The following MOB4 variants were observed in gnomAD, a reference collection of about 807,000 sequenced individuals.
The protein encoded by MOB4 is MOB family member 4, phocein.
Under a neutral mutation model 32.2 loss-of-function variants are expected in MOB4, and 4 were observed. That is an observed-to-expected ratio of 0.12 (90% confidence interval 0.06 to 0.28). The LOEUF is 0.28. MOB4 is among the 10% of genes least tolerant of loss of function. The probability of loss-of-function intolerance (pLI) is 1.00; values close to 1 mark genes in which losing one functional copy is unlikely to be tolerated. For missense variants in MOB4, 158 were observed against 271.2 expected (o/e 0.58, Z 2.93); for synonymous variants, 88 against 88.1 (o/e 1.00, Z 0.01).
chr2:197,524,542 A>AAAAAC (rs2086575508), intron 2 of MOB4, among the ~76,000 whole-genome samples: 13 of 151,034 alleles, frequency 8.6e-5, no homozygotes, highest in Admixed American at 5.3e-4. Context: ...AAAAAAAAAA[A>AAAAAC]AAAAACAAAA....
At position 197,527,653 on chromosome 2, in the gene MOB4, G is replaced by C. The variant is rs371208935; in HGVS notation, c.123+3967G>C. ...TTTCTTTATCTTGTCTAGTTGCTCT[G>C]GCTAGAACTTTTAGTACAGTGTTGA... is the stretch of plus-strand genomic sequence containing the variant. On this transcript the variant is annotated intron_variant, in intron 2 of 7. Coordinates refer to ENST00000323303, the MANE Select transcript of MOB4 (RefSeq NM_015387.5). 4.6e-4 allele frequency among the ~76,000 whole-genome samples: 70 copies of C among 152,228 alleles called. 1 individual carries two copies. In the South Asian group the frequency reaches 0.014, roughly 31 times the overall value.
intron 1 of MOB4, among the ~76,000 whole-genome samples, chr2:197,518,051 G>A (rs1187777646): frequency 2.0e-5 from 3 of 151,874 alleles, no homozygotes; most frequent in Admixed American, 2.0e-4. Context: ...TGAGGCAGGA[G>A]AATCGCTTGA....
upstream of MOB4, chr2:197,515,935 C>T: frequency 1.3e-6 from 1 of 751,108 alleles, no homozygotes; most frequent in Non-Finnish European, 2.1e-6. Context: ...GCCTAGCCCG[C>T]TTCTACCCGG....
chr2:197,538,887 G>A (rs943722315), intron 3 of MOB4, among the ~76,000 whole-genome samples: 15 of 152,144 alleles, frequency 9.9e-5, no homozygotes, highest in Non-Finnish European at 2.2e-4. Context: ...TGTTATTTTT[G>A]TAATCTAAGG....
At chr2:197,535,843 G>A (rs1162594379) in intron 3 of MOB4, among the ~76,000 whole-genome samples, 2 of 150,272 alleles carry the variant, frequency 1.3e-5, no homozygotes, top group Non-Finnish European at 3.0e-5. Context: ...TTGAAAGGTG[G>A]TTTATTTCAG....
At chr2:197,529,133 A>G (rs967175820) in intron 2 of MOB4, among the ~76,000 whole-genome samples, 6 of 150,382 alleles carry the variant, frequency 4.0e-5, no homozygotes, top group Non-Finnish European at 7.4e-5. Flanking sequence ...ATGCGCCACC[A>G]CCCCCAGCTA....
At chr2:197,518,496 A>G (rs1356680826) in intron 1 of MOB4, among the ~76,000 whole-genome samples, 1 of 150,500 alleles carries the variant, frequency 6.6e-6, no homozygotes, top group Non-Finnish European at 1.5e-5. Context: ...TCCTGACCTC[A>G]GGTGATCTGC....
At chr2:197,525,770 C>T (rs138676190) in intron 2 of MOB4, among the ~76,000 whole-genome samples, 116 of 151,280 alleles carry the variant, frequency 7.7e-4, no homozygotes, top group Middle Eastern at 6.9e-3. Flanking sequence ...TGGCTTCTCA[C>T]GATATAGCTA....
At chr2:197,540,569 T>A in intron 5 of MOB4, 132 bp downstream of exon 5, 1 of 909,486 alleles carries the variant, frequency 1.1e-6, no homozygotes, top group Non-Finnish European at 1.5e-6. Flanking sequence ...TTGCTTGTTG[T>A]GAAGTTGTTA....
At chr2:197,523,860 T>C (rs566826097) in intron 2 of MOB4, among the ~76,000 whole-genome samples, 174 bp downstream of exon 2, 11 of 152,246 alleles carry the variant, frequency 7.2e-5, no homozygotes, top group Admixed American at 6.5e-5. Flanking sequence ...CCTAAGCATT[T>C]TACCTCTGAC....
rs1011993385 is a variant in MOB4, at chr2:197,553,519, A to T, written c.*2873A>T. ...TTGATGTCAAATTCACTGTAATAGT[A>T]GAACTAAGTTTTTTATGTGAGTACT... On this transcript the variant is annotated 3_prime_UTR_variant, in exon 8 of 8. Transcript: ENST00000323303. 1 of 152,210 alleles carries T rather than the reference A, an allele frequency of 6.6e-6. No individual in the cohort carries two copies. Among genetic ancestry groups the T allele is most frequent in the African/African-American group, 2.4e-5 (1 of 41,468 alleles). The allele number at this position is 152,210 out of a possible 1,614,324, so 9.4% of individuals were successfully genotyped here. A position where few individuals can be genotyped will look rare whatever the true frequency, so the allele number is the denominator to read the frequency against.
chr2:197,533,849 G>A, intron 2 of MOB4: 1 of 643,654 alleles, frequency 1.6e-6, no homozygotes, highest in South Asian at 1.4e-5. Context: ...AGTGATTCCT[G>A]GCCAAGAAAC....
intron 1 of MOB4, among the ~76,000 whole-genome samples, chr2:197,523,324 C>G (rs2086554461): frequency 6.6e-6 from 1 of 152,070 alleles, no homozygotes; most frequent in Non-Finnish European, 1.5e-5. Flanking sequence ...TGGGTCAGGA[C>G]TATAATCCTA....
chr2:197,519,424 A>C (rs1044161912), intron 1 of MOB4, among the ~76,000 whole-genome samples: 2 of 152,206 alleles, frequency 1.3e-5, no homozygotes, highest in Non-Finnish European at 2.9e-5. Context: ...AGGATGCTTA[A>C]GTTTCTTAAG....
intron 2 of MOB4, among the ~76,000 whole-genome samples, chr2:197,535,222 CAAAAAAAA>C: frequency 1.5e-5 from 1 of 66,448 alleles, no homozygotes; most frequent in African/African-American, 4.5e-5. Context: ...GACCCTGTTT[CAAAAAAAA>C]AAAAAAAAAA....
chr2:197,537,007 T>C (rs1295005456), intron 3 of MOB4, among the ~76,000 whole-genome samples: 1 of 152,160 alleles, frequency 6.6e-6, no homozygotes, highest in Non-Finnish European at 1.5e-5. Flanking sequence ...GCCAAAGTGC[T>C]GGGATTATAC....
intron 5 of MOB4, among the ~76,000 whole-genome samples, chr2:197,545,084 C>G (rs544236292): frequency 2.0e-5 from 3 of 152,266 alleles, no homozygotes; most frequent in African/African-American, 4.8e-5. Flanking sequence ...TTTATCTGCA[C>G]AAAGACTTGT....
At chr2:197,516,353 G>A (rs1413716052) in intron 1 of MOB4, 1 of 1,424,282 alleles carries the variant, frequency 7.0e-7, no homozygotes, top group Non-Finnish European at 9.2e-7. Flanking sequence ...CTCCGACCCA[G>A]GGGTAGGCGT....
At chr2:197,536,128 G>A (rs2086794038) in intron 3 of MOB4, among the ~76,000 whole-genome samples, 1 of 151,946 alleles carries the variant, frequency 6.6e-6, no homozygotes, top group Non-Finnish European at 1.5e-5. Flanking sequence ...CAAACTCCTG[G>A]ATTCAAGCAA....
Sources: allele counts gnomAD v4.1 joint callset (sites outside exome capture counted in the v4.1 genomes callset), GRCh38; gene constraint gnomAD v4.1.1; transcripts MANE v1.5; gene names NCBI Gene and HGNC (gene_info 2026-07-23, HGNC 2026-07-21).